Variants in HEATR6 observed in about 807,000 individuals in gnomAD.
HEATR6 encodes the protein HEAT repeat containing 6.
HEATR6 carries 106 observed loss-of-function variants against 132.8 expected under a neutral mutation model. The observed-to-expected ratio is 0.80, with a 90% confidence interval of 0.68 to 0.94. HEATR6 has a LOEUF of 0.94. Ranked by LOEUF, HEATR6 falls within the 40% of genes least tolerant of loss-of-function variation. The pLI is 0.00. For synonymous variants in HEATR6, 529 were observed against 537.8 expected (o/e 0.98, Z 0.23); for missense variants, 1,339 against 1,425.1 (o/e 0.94, Z 0.97).
chr17:60,072,252 G>C lies in HEATR6; in HGVS notation c.662C>G (p.Pro221Arg), dbSNP rs777529295. Residue 221 changes from proline (P) to arginine (R), a missense_variant, in exon 5 of 20, where the codon CCA (proline) becomes CGA (arginine). By Grantham distance (103) the Pro-to-Arg change is moderately radical. Transcript: ENST00000184956. ...GATATCATCCATATCAGATGATTTT[G>C]GAGACTGTAAAATAGTCAGAAAAGC... is the stretch of plus-strand genomic sequence containing the variant. ...FQAFLTILQS[P>R]KSSDMDDITF... 1.2e-6 allele frequency: 2 copies of C among 1,607,068 alleles called. No individual in the cohort carries two copies. Among genetic ancestry groups the C allele is most frequent in the Non-Finnish European group, 1.7e-6 (2 of 1,175,130 alleles).
chr17:60,072,302 C>A lies in HEATR6; in HGVS notation c.612G>T (p.Glu204Asp). 6.2e-7 allele frequency: 1 copy of A among 1,610,518 alleles called. No homozygotes were observed. The highest frequency in any genetic ancestry group is 8.5e-7 in the Non-Finnish European group (1 of 1,177,508). The change falls in exon 5 of 20, where the codon GAG (glutamate) becomes GAT (aspartate). Residue 204 changes from glutamate (E) to aspartate (D), a missense_variant. Coordinates refer to ENST00000184956, the MANE Select transcript of HEATR6 (RefSeq NM_022070.5). Reference protein sequence around the residue: ...LSVPGQPYLEEPYQNVCFQAF... With the variant: ...LSVPGQPYLEDPYQNVCFQAF... Reference sequence around the variant, plus strand: ...CTTGGAAACAGACATTTTGGTAGGGCTCCTCCAAATACGGCTGTCCTGGCA... The same window carrying A: ...CTTGGAAACAGACATTTTGGTAGGGATCCTCCAAATACGGCTGTCCTGGCA...
rs73320911 is a variant in HEATR6, at chr17:60,051,675, A to G, written c.2290-698T>C. ...CAACAGTTTCTTTTCCATGCTTTAT[A>G]CATATCCTGTGATTTCATGTTCATT... On this transcript the variant is annotated intron_variant, in intron 14 of 19. Transcript: ENST00000184956. Among the ~76,000 whole-genome samples, 1,032 of 152,170 alleles carry G rather than the reference A, an allele frequency of 6.8e-3. 11 individuals carry two copies. Among genetic ancestry groups the G allele is most frequent in the African/African-American group, 0.024 (998 of 41,518 alleles).
chr17:60,078,679 C>T lies in HEATR6; in HGVS notation c.219+17G>A, dbSNP rs1255505583. 6 of 1,530,888 alleles carry T rather than the reference C, an allele frequency of 3.9e-6. No individual in the cohort carries two copies. Among genetic ancestry groups the T allele is most frequent in the East Asian group, 2.5e-5 (1 of 40,530 alleles). The allele number at this position is 1,530,888 out of a possible 1,614,324, so 94.8% of individuals were successfully genotyped here. ...GGGGTGGGGCCGGGGCCGGGGCCAGCAGGGCGCGCCGCCTACCTCCGGGGC... is the reference window on the plus strand; with the variant it reads ...GGGGTGGGGCCGGGGCCGGGGCCAGTAGGGCGCGCCGCCTACCTCCGGGGC... On this transcript the variant is annotated intron_variant, in intron 1 of 19. Transcript: ENST00000184956.
chr17:60,057,155 T>G lies in HEATR6; in HGVS notation c.1972A>C (p.Ile658Leu), dbSNP rs1463147590. 3 of 1,614,174 alleles carry G rather than the reference T, an allele frequency of 1.9e-6. No individual in the cohort carries two copies. Among genetic ancestry groups the G allele is most frequent in the Non-Finnish European group, 2.5e-6 (3 of 1,180,026 alleles). Residue 658 changes from isoleucine (I) to leucine (L), a missense_variant, in exon 12 of 20, where the codon ATT (isoleucine) becomes CTT (leucine). Ile to Leu is a conservative substitution (Grantham distance 5). Coordinates refer to ENST00000184956, the MANE Select transcript of HEATR6 (RefSeq NM_022070.5). The part of the protein sequence containing the change: ...SEPCWLIRLC[I>L]SIVVLPKEDS... Reference sequence around the variant, plus strand: ...TCCTTGGGCAGTACGACAATGGAAATGCAGAGTCGAATGAGCCAGCAGGGC... The same window carrying G: ...TCCTTGGGCAGTACGACAATGGAAAGGCAGAGTCGAATGAGCCAGCAGGGC...
Position 60,043,972 on chromosome 17 carries a change from A to G in HEATR6, c.3137T>C (p.Leu1046Ser), listed in dbSNP as rs1388572342. Residue 1046 changes from leucine to serine, a missense_variant, in exon 20 of 20, where the codon TTG becomes TCG. Transcript: ENST00000184956. ...TTCACTCTTCTGTAAAGCGGTGACC[A>G]ATGCATTCCAGATCCGAGCATACTG... The part of the protein sequence containing the change: ...VDQYARIWNA[L>S]VTALQKSEDT... The G allele has an allele frequency of 5.6e-6, 9 of 1,614,002 alleles. No individual in the cohort carries two copies. The highest frequency in any genetic ancestry group is 7.6e-6 in the Non-Finnish European group (9 of 1,180,028).
At chr17:60,074,101 T>A (rs550937000) in intron 2 of HEATR6, 13 of 1,265,110 alleles carry the variant, frequency 1.0e-5, no homozygotes, top group Non-Finnish European at 1.2e-5. Flanking sequence ...TCCTCTTTAG[T>A]AAAGTAGAAC....
Position 60,067,580 on chromosome 17 carries a change from C to T in HEATR6, c.1092G>A (p.Leu364=). The T allele has an allele frequency of 2.5e-6, 4 of 1,613,472 alleles. No individual in the cohort carries two copies. Among genetic ancestry groups the T allele is most frequent in the Non-Finnish European group, 3.4e-6 (4 of 1,179,734 alleles). Residue 364 remains leucine (L), a synonymous_variant, in exon 8 of 20, where the codon CTG becomes CTA. Transcript: ENST00000184956. ...CATCTAAAGGCAAACTCTGGACACC[C>T]AGGGAGGAGGGACACCAAGTGTTCC... ...HEGNTWCPSS[L]GVQSLPLDGS...
chr17:60,059,969 C>T lies in HEATR6; in HGVS notation c.1544G>A (p.Ser515Asn), dbSNP rs1312353129. 1.2e-6 allele frequency: 2 copies of T among 1,613,662 alleles called. No homozygotes were observed. Among genetic ancestry groups the T allele is most frequent in the South Asian group, 1.1e-5 (1 of 91,084 alleles). The change falls in exon 10 of 20, where the codon AGC becomes AAC. Residue 515 changes from serine to asparagine, a missense_variant. Physicochemically the swap from Ser to Asn is conservative, Grantham distance 46 (BLOSUM62 1). Transcript: ENST00000184956. Reference protein sequence around the residue: ...FTPFSVMIACSIRELHRCLLL... With the variant: ...FTPFSVMIACNIRELHRCLLL... ...AAGACATCTGTGCAACTCTCTAATG[C>T]TGCAAGCGATCATTACGGAGAAGGG...
intron 9 of HEATR6, chr17:60,063,349 A>C (rs1431374556): frequency 6.6e-6 from 1 of 152,242 alleles, no homozygotes; most frequent in Non-Finnish European, 1.5e-5. Flanking sequence ...TTTGTTTCTT[A>C]AGACAAGTCT....
chr17:60,062,100 C>T (rs939956551), intron 9 of HEATR6, among the ~76,000 whole-genome samples: 2 of 152,176 alleles, frequency 1.3e-5, no homozygotes, highest in African/African-American at 4.8e-5. Flanking sequence ...TTGTACTTCT[C>T]ACAGTTCTGA....
Position 60,067,735 on chromosome 17 carries a change from G to A in HEATR6, c.940-3C>T, listed in dbSNP as rs925793976. 6 of 1,606,716 alleles carry A rather than the reference G, an allele frequency of 3.7e-6. 1 individual carries two copies. In the African/African-American group the frequency reaches 8.1e-5, roughly 22 times the overall value. On this transcript the variant is annotated splice_polypyrimidine_tract_variant and splice_region_variant and intron_variant, in intron 7 of 19. Transcript: ENST00000184956. ...ACTTTGGATTTTTTCTTTTTATTCT[G>A]ATTGTGGGAGCAAATGAAGACATAT...
At position 60,050,899 on chromosome 17, in the gene HEATR6, C is replaced by T. The variant is rs1418462705; in HGVS notation, c.2368G>A (p.Ala790Thr). Residue 790 changes from alanine (A) to threonine (T), a missense_variant, in exon 15 of 20, where the codon GCG (alanine) becomes ACG (threonine). Ala to Thr is a moderately conservative substitution (Grantham distance 58). Coordinates refer to ENST00000184956, the MANE Select transcript of HEATR6 (RefSeq NM_022070.5). ...GAAGACAGGGCATCACAGGCGCTCG[C>T]CTGGAGAGTTGGGTGTTCTGAATTC... ...LQNSEHPTLQ[A>T]SACDALSSIL... 2 of 1,614,178 alleles carry T rather than the reference C, an allele frequency of 1.2e-6. No homozygotes were observed. Among genetic ancestry groups the T allele is most frequent in the Admixed American group, 1.7e-5 (1 of 60,018 alleles).
At chr17:60,056,905 AAC>A in intron 12 of HEATR6, 141 bp downstream of exon 12, 2 of 599,162 alleles carry the variant, frequency 3.3e-6, no homozygotes, top group Middle Eastern at 4.4e-4. Flanking sequence ...ACAACAACAA[AAC>A]AATACACCAC....
chr17:60,059,647 A>G (rs1345720236), intron 10 of HEATR6, 126 bp from the exon 11 acceptor site: 3 of 678,302 alleles, frequency 4.4e-6, no homozygotes, highest in Non-Finnish European at 7.6e-6. Context: ...CTTTTTTTTA[A>G]TAACACTTGT....
At chr17:60,053,345 G>A (rs996493857) in intron 14 of HEATR6, among the ~76,000 whole-genome samples, 4 of 152,134 alleles carry the variant, frequency 2.6e-5, no homozygotes, top group African/African-American at 7.2e-5. Flanking sequence ...TGAGCCAGAC[G>A]AACCTCTTTG....
chr17:60,062,345 G>C (rs1012282326), intron 9 of HEATR6, among the ~76,000 whole-genome samples: 4 of 152,192 alleles, frequency 2.6e-5, no homozygotes, highest in African/African-American at 9.7e-5. Flanking sequence ...TATTTAAAAT[G>C]ATGAATGAAA....
At chr17:60,077,330 G>A (rs979913849) in intron 1 of HEATR6, among the ~76,000 whole-genome samples, 20 of 152,148 alleles carry the variant, frequency 1.3e-4, no homozygotes, top group African/African-American at 4.6e-4. Context: ...CAAAAACCTG[G>A]AGGTGTGAAA....
chr17:60,059,369 T>TA (rs1379108953), intron 11 of HEATR6, 53 bp downstream of exon 11: 4 of 987,932 alleles, frequency 4.0e-6, no homozygotes, highest in Non-Finnish European at 6.3e-6. Context: ...TTTTTACTAA[T>TA]AGTCTGCATC....
chr17:60,050,867 CAAGATGG>C lies in HEATR6; in HGVS notation c.2393_2399del (p.Ser798CysfsTer23), dbSNP rs752722191. 6.2e-7 allele frequency: 1 copy of C among 1,614,088 alleles called. No homozygotes were observed. The highest frequency in any genetic ancestry group is 1.3e-5 in the African/African-American group (1 of 74,932). On this transcript the variant is annotated frameshift_variant, in exon 15 of 20. Transcript: ENST00000184956. LOFTEE classifies it high-confidence loss of function. ...CCGGCAGATTGCTGAAGGCCTCTGG[CAAGATGG>C]AAGACAGGGCATCACAGGCGCTCGC...
Sources: gnomAD v4.1 joint callset for allele counts (sites outside exome capture counted in the v4.1 genomes callset) on GRCh38, gnomAD v4.1.1 for gene constraint, MANE v1.5 for transcripts, NCBI Gene and HGNC (gene_info 2026-07-23, HGNC 2026-07-21) for gene names.